The following CNTN5 variants were observed in gnomAD, a reference collection of about 807,000 sequenced individuals.
CNTN5 encodes contactin 5, also known as contactin-5.
CNTN5 carries 77 observed loss-of-function variants against 129.1 expected under a neutral mutation model. The ratio of observed to expected loss-of-function variants is 0.60; its 90% CI spans 0.50 to 0.72. The LOEUF (loss-of-function observed/expected upper bound fraction) is 0.72. CNTN5 is among the 30% of genes least tolerant of loss of function. The pLI is 0.00. For synonymous variants in CNTN5, 509 were observed against 465.6 expected, an observed-to-expected ratio of 1.09 and a Z score of -1.20; for missense variants, 1,478 against 1,328.8, an observed-to-expected ratio of 1.11 and a Z score of -1.75.
intron 4 of CNTN5, among the ~76,000 whole-genome samples, chr11:99,835,081 A>G (rs1217974672): frequency 6.6e-6 from 1 of 152,186 alleles, no homozygotes; most frequent in Non-Finnish European, 1.5e-5. Context: ...TTCCCCTCCA[A>G]GGAGACTCTG....
intron 2 of CNTN5, among the ~76,000 whole-genome samples, chr11:99,428,066 CAG>C (rs1331636617): frequency 6.6e-6 from 1 of 151,970 alleles, no homozygotes; most frequent in Non-Finnish European, 1.5e-5. Context: ...CTTAAATAAA[CAG>C]TCATTTTATT....
At chr11:99,748,622 TGA>T (rs1944135421) in intron 3 of CNTN5, among the ~76,000 whole-genome samples, 2 of 152,168 alleles carry the variant, frequency 1.3e-5, no homozygotes, top group South Asian at 4.1e-4. Context: ...TCAAAAGGCC[TGA>T]GAACTTGAGT....
intron 7 of CNTN5, among the ~76,000 whole-genome samples, chr11:99,927,613 C>T (rs1364154670): frequency 6.6e-6 from 1 of 152,000 alleles, no homozygotes; most frequent in East Asian, 1.9e-4. Flanking sequence ...CCTTACAAAA[C>T]CTTCAGATCT....
intron 21 of CNTN5, among the ~76,000 whole-genome samples, chr11:100,320,980 T>A (rs1951680331): frequency 6.6e-6 from 1 of 152,174 alleles, no homozygotes; most frequent in African/African-American, 2.4e-5. Flanking sequence ...AATTTTGAAG[T>A]CGGGTAGTTT....
chr11:99,592,218 A>T (rs1950000543), intron 3 of CNTN5, among the ~76,000 whole-genome samples: 2 of 152,214 alleles, frequency 1.3e-5, no homozygotes, highest in African/African-American at 2.4e-5. Context: ...TGTTTTCAAG[A>T]TATCTCTGGC....
chr11:99,894,506 T>C (rs1438395182), intron 6 of CNTN5, among the ~76,000 whole-genome samples: 26 of 82,826 alleles, frequency 3.1e-4, no homozygotes, highest in African/African-American at 1.1e-3. Context: ...TTATGACAGG[T>C]ACCAGCAGCA....
chr11:99,980,369 G>C (rs1938255872), intron 8 of CNTN5, among the ~76,000 whole-genome samples: 2 of 152,198 alleles, frequency 1.3e-5, no homozygotes, highest in Admixed American at 6.5e-5. Flanking sequence ...CAGCAAATTT[G>C]TTGAGCTGAG....
At chr11:99,712,096 C>G (rs1393982212) in intron 3 of CNTN5, among the ~76,000 whole-genome samples, 1 of 152,104 alleles carries the variant, frequency 6.6e-6, no homozygotes, top group Non-Finnish European at 1.5e-5. Flanking sequence ...ACACTCCCAC[C>G]AACAGTGTAA....
At chr11:99,583,410 C>T (rs1009026353) in intron 3 of CNTN5, among the ~76,000 whole-genome samples, 12 of 152,132 alleles carry the variant, frequency 7.9e-5, no homozygotes. Context: ...TTGTCTGTGC[C>T]CTACCCCCAG....
At chr11:99,293,357 C>T (rs1864251740) in intron 1 of CNTN5, among the ~76,000 whole-genome samples, 1 of 152,118 alleles carries the variant, frequency 6.6e-6, no homozygotes, top group Non-Finnish European at 1.5e-5. Flanking sequence ...ATTTTTGCAT[C>T]TATCTTCGTC....
chr11:99,621,333 A>G (rs1950943425), intron 3 of CNTN5, among the ~76,000 whole-genome samples: 1 of 152,220 alleles, frequency 6.6e-6, no homozygotes, highest in Non-Finnish European at 1.5e-5. Context: ...CAAAAAACAA[A>G]TAAGCAAAAC....
At chr11:99,696,613 T>A (rs1057096073) in intron 3 of CNTN5, among the ~76,000 whole-genome samples, 3 of 151,748 alleles carry the variant, frequency 2.0e-5, no homozygotes, top group Non-Finnish European at 4.4e-5. Context: ...ACAAGTACCA[T>A]CAGTAGTCAT....
intron 7 of CNTN5, among the ~76,000 whole-genome samples, chr11:99,942,755 C>G (rs532376179): frequency 5.6e-4 from 85 of 152,176 alleles, no homozygotes; most frequent in Non-Finnish European, 2.9e-4. Context: ...TCAAGTCCCA[C>G]TTAGGAGTGA....
chr11:99,939,037 AC>A (rs1334316319), intron 7 of CNTN5, among the ~76,000 whole-genome samples: 1 of 152,088 alleles, frequency 6.6e-6, no homozygotes, highest in East Asian at 1.9e-4. Flanking sequence ...TAGACTGACT[AC>A]CTTTTATTGA....
intron 1 of CNTN5, among the ~76,000 whole-genome samples, chr11:99,312,361 T>C (rs1431112643): frequency 6.6e-6 from 1 of 152,172 alleles, no homozygotes. Flanking sequence ...GCAAATTATA[T>C]ATCCTGTATG....
chr11:99,111,773 A>G (rs1443808500), intron 1 of CNTN5, among the ~76,000 whole-genome samples: 2 of 152,036 alleles, frequency 1.3e-5, no homozygotes, highest in African/African-American at 2.4e-5. Context: ...TCTCTTAAAT[A>G]CTGCGAACCT....
At chr11:99,089,845 G>A (rs1426838528) in intron 1 of CNTN5, among the ~76,000 whole-genome samples, 1 of 152,118 alleles carries the variant, frequency 6.6e-6, no homozygotes, top group East Asian at 1.9e-4. Context: ...GGCTAGCCTT[G>A]TCATTTGGCA....
At chr11:100,214,148 T>A (rs796155485) in intron 15 of CNTN5, among the ~76,000 whole-genome samples, 1 of 152,128 alleles carries the variant, frequency 6.6e-6, no homozygotes, top group African/African-American at 2.4e-5. Context: ...GAAATGCTGA[T>A]ATAAAATTAA....
intron 1 of CNTN5, among the ~76,000 whole-genome samples, chr11:99,209,030 CTATTT>C (rs916574112): frequency 6.6e-6 from 1 of 151,988 alleles, no homozygotes; most frequent in African/African-American, 2.4e-5. Context: ...AATATAAAAT[CTATTT>C]TAATAATGTT....
Sources: allele counts gnomAD v4.1 joint callset (sites outside exome capture counted in the v4.1 genomes callset), GRCh38; gene constraint gnomAD v4.1.1; transcripts MANE v1.5; gene names NCBI Gene and HGNC (gene_info 2026-07-23, HGNC 2026-07-21).